Variants in RNF216 observed in about 807,000 individuals in gnomAD.
RNF216 encodes ring finger protein 216.
In RNF216, 72 loss-of-function variants were observed where a neutral mutation model predicts 110.8. That is an observed-to-expected ratio of 0.65 (90% CI 0.54 to 0.79). RNF216 has a LOEUF of 0.79. Ranked by LOEUF, RNF216 falls within the 30% of genes least tolerant of loss-of-function variation. RNF216 has a pLI of 0.00. For missense variants in RNF216, 1,342 were observed against 1,141.2 expected, an observed-to-expected ratio of 1.18 and a Z score of -2.54; for synonymous variants, 495 against 407.5, an observed-to-expected ratio of 1.21 and a Z score of -2.59.
intron 14 of RNF216, among the ~76,000 whole-genome samples, chr7:5,641,657 A>G (rs1293458281): frequency 1.3e-5 from 2 of 152,220 alleles, no homozygotes; most frequent in Non-Finnish European, 2.9e-5. Context: ...CAGACAAAAT[A>G]TAAAGTACCC....
chr7:5,728,584 A>AG (rs1793903109), intron 7 of RNF216, among the ~76,000 whole-genome samples: 1 of 151,804 alleles, frequency 6.6e-6, no homozygotes, highest in Non-Finnish European at 1.5e-5. Flanking sequence ...AAAAAAAAAA[A>AG]GAAAAAGAAA....
chr7:5,776,594 CAAA>C (rs35304255), intron 1 of RNF216, among the ~76,000 whole-genome samples: 3 of 62,462 alleles, frequency 4.8e-5, no homozygotes, highest in Admixed American at 2.2e-4. Flanking sequence ...GACTCCGTCT[CAAA>C]AAAAAAAAAA....
chr7:5,642,142 C>T (rs1282685017), intron 14 of RNF216, among the ~76,000 whole-genome samples: 5 of 150,376 alleles, frequency 3.3e-5, no homozygotes, highest in African/African-American at 7.3e-5. Context: ...CTCTGTAGTA[C>T]ATCCGTTTAT....
chr7:5,665,310 C>T (rs1482052639), intron 13 of RNF216, among the ~76,000 whole-genome samples: 1 of 152,128 alleles, frequency 6.6e-6, no homozygotes, highest in Admixed American at 6.5e-5. Flanking sequence ...GGAACCATTA[C>T]AAAGCCTCCC....
chr7:5,762,360 T>C (rs1795979003), intron 1 of RNF216, among the ~76,000 whole-genome samples: 1 of 151,698 alleles, frequency 6.6e-6, no homozygotes, highest in Admixed American at 6.6e-5. Context: ...CCATCTCTAT[T>C]AAAAACACAC....
chr7:5,771,565 G>C (rs1462727977), intron 1 of RNF216, among the ~76,000 whole-genome samples: 2 of 152,174 alleles, frequency 1.3e-5, no homozygotes, highest in African/African-American at 2.4e-5. Flanking sequence ...GGAAGGCCAA[G>C]GCAGGCAGAT....
intron 3 of RNF216, among the ~76,000 whole-genome samples, chr7:5,747,048 C>T (rs1223155933): frequency 6.6e-6 from 1 of 152,220 alleles, no homozygotes; most frequent in African/African-American, 2.4e-5. Context: ...GTAACTCCTA[C>T]TGCTCCCATT....
chr7:5,718,170 C>A (rs1342460276), intron 9 of RNF216, among the ~76,000 whole-genome samples: 8 of 152,072 alleles, frequency 5.3e-5, no homozygotes, highest in Admixed American at 5.2e-4. Flanking sequence ...TGCTTAAGGT[C>A]AGGAGTTTGA....
At chr7:5,715,736 C>CTTTTT (rs58929486) in intron 10 of RNF216, among the ~76,000 whole-genome samples, 28 of 113,802 alleles carry the variant, frequency 2.5e-4, no homozygotes, top group African/African-American at 5.6e-4. Context: ...CCAACTCATT[C>CTTTTT]TTTTTTTTTT....
At chr7:5,682,141 A>G (rs1299778994) in intron 13 of RNF216, among the ~76,000 whole-genome samples, 1 of 151,946 alleles carries the variant, frequency 6.6e-6, no homozygotes, top group Non-Finnish European at 1.5e-5. Flanking sequence ...GCTAGGAAAA[A>G]CCGTTGGCTT....
chr7:5,776,942 GAGAAAAAAAGAA>G (rs1796817956), intron 1 of RNF216, among the ~76,000 whole-genome samples: 1 of 124,702 alleles, frequency 8.0e-6, no homozygotes, highest in African/African-American at 2.9e-5. Flanking sequence ...GAGAGAGAGA[GAGAAAAAAAGAA>G]AGAAAGAAAG....
At chr7:5,760,522 GAAA>G in intron 2 of RNF216, 4 of 226,234 alleles carry the variant, frequency 1.8e-5, no homozygotes, top group Admixed American at 5.6e-5. Flanking sequence ...CTCAAAAAAA[GAAA>G]AAAAAAAAAC....
At position 5,624,979 on chromosome 7, in the gene RNF216, A is replaced by AC. The variant is rs200962326; in HGVS notation, c.2383-855dup. ...TGCTTCATGAGTGGCGCTTACCTTA[A>AC]CCCCCCTCCTCAGTGACCCACAAAA... On this transcript the variant is annotated intron_variant, in intron 15 of 16. Transcript: ENST00000389902. This position sits in a 1 kb window ranked among gnomAD's most constrained non-coding sequence, Gnocchi z 4.4. 0.018 allele frequency among the ~76,000 whole-genome samples: 2,735 copies of AC among 151,456 alleles called. 36 individuals are homozygous for AC. Among genetic ancestry groups the AC allele is most frequent in the Non-Finnish European group, 0.029 (1,958 of 67,804 alleles).
At chr7:5,697,946 C>T (rs919649115) in intron 13 of RNF216, among the ~76,000 whole-genome samples, 5 of 152,064 alleles carry the variant, frequency 3.3e-5, no homozygotes, top group African/African-American at 9.7e-5. Flanking sequence ...AAGATAAGAG[C>T]GGAAGAAATT....
chr7:5,723,714 T>C (rs1454383413), intron 8 of RNF216, among the ~76,000 whole-genome samples: 7 of 152,118 alleles, frequency 4.6e-5, no homozygotes, highest in South Asian at 2.1e-4. Context: ...TTTTCCTGCA[T>C]GACCATAAAA....
At chr7:5,676,991 AC>A (rs1253091053) in intron 13 of RNF216, among the ~76,000 whole-genome samples, 1 of 152,266 alleles carries the variant, frequency 6.6e-6, no homozygotes, top group South Asian at 2.1e-4. Flanking sequence ...GCCAAACCAA[AC>A]CAAAACCCAC....
chr7:5,749,722 TGAAAC>T (rs1035368499), intron 3 of RNF216, among the ~76,000 whole-genome samples: 2 of 152,152 alleles, frequency 1.3e-5, no homozygotes, highest in African/African-American at 2.4e-5. Flanking sequence ...ATGCGAAAAA[TGAAAC>T]GAACTCTGAC....
intron 3 of RNF216, among the ~76,000 whole-genome samples, chr7:5,749,561 T>C (rs183626571): frequency 6.6e-6 from 1 of 152,328 alleles, no homozygotes; most frequent in Admixed American, 6.5e-5. Flanking sequence ...CTAAATTTCC[T>C]TGTCAACTGT....
At chr7:5,683,362 CAAGTTGGAG>C (rs1790777261) in intron 13 of RNF216, among the ~76,000 whole-genome samples, 1 of 151,984 alleles carries the variant, frequency 6.6e-6, no homozygotes, top group Non-Finnish European at 1.5e-5. Flanking sequence ...GTACAATCCA[CAAGTTGGAG>C]GCTCACTGCA....
Sources: gnomAD v4.1 joint callset for allele counts (sites outside exome capture counted in the v4.1 genomes callset) on GRCh38, gnomAD v4.1.1 for gene constraint, Gnocchi (gnomAD v3.1) non-coding constraint, MANE v1.5 for transcripts, NCBI Gene and HGNC (gene_info 2026-07-23, HGNC 2026-07-21) for gene names.